RASEF: variants seen among roughly 807,000 people sequenced by gnomAD.
RASEF encodes ras and EF-hand domain-containing protein.
Under a neutral mutation model 90.1 loss-of-function variants are expected in RASEF, and 68 were observed. That is an observed-to-expected ratio of 0.75 (90% CI 0.62 to 0.92). The LOEUF is 0.92. RASEF is among the 40% of genes least tolerant of loss of function. The pLI is 0.00. For missense variants in RASEF, 949 were observed against 937.2 expected (o/e 1.01, Z -0.16); for synonymous variants, 331 against 345.2 (o/e 0.96, Z 0.46).
At chr9:83,133,263 A>G in the RASEF span, among the ~76,000 whole-genome samples, 1 of 152,166 alleles carries the variant, frequency 6.6e-6, no homozygotes. Context: ...AACTCCTGGA[A>G]GACCAAGGAA....
In RASEF at chr9:83,006,353, T is replaced by C. The variant is rs80074207; in HGVS notation, c.1029-853A>G. Among the ~76,000 whole-genome samples the C allele has an allele frequency of 4.7e-3, 712 of 152,306 alleles. 22 individuals are homozygous for C. The East Asian group carries it at 0.059, about 13-fold the overall frequency. ...AGGGGAAAGAGATTTTTCACCCACT[T>C]CCCACTCTATCCTTTGCTCCTGGCA... On this transcript the variant is annotated intron_variant, in intron 7 of 16. Transcript: ENST00000376447.
chr9:83,008,487 T>C (rs1486331047), intron 6 of RASEF, among the ~76,000 whole-genome samples: 2 of 152,090 alleles, frequency 1.3e-5, no homozygotes, highest in African/African-American at 2.4e-5. Flanking sequence ...ACCTGGAACA[T>C]CTCTGAGACT....
At chr9:82,986,189 T>C (rs550523387) in intron 16 of RASEF, among the ~76,000 whole-genome samples, 7 of 152,322 alleles carry the variant, frequency 4.6e-5, no homozygotes, top group Admixed American at 3.3e-4. Context: ...AGTCCTCACA[T>C]TGCCACTTAC....
intron 14 of RASEF, among the ~76,000 whole-genome samples, chr9:82,996,505 G>A (rs966991216): frequency 4.6e-5 from 7 of 152,146 alleles, no homozygotes; most frequent in Non-Finnish European, 2.9e-5. Context: ...TGGTATTTCG[G>A]TAGTACCTTG....
the RASEF span, among the ~76,000 whole-genome samples, chr9:83,140,022 A>T: frequency 6.6e-6 from 1 of 152,168 alleles, no homozygotes; most frequent in Non-Finnish European, 1.5e-5. Flanking sequence ...ACTGTAATGT[A>T]GATGGACTAT....
At chr9:83,061,564 C>T (rs553728527) in intron 1 of RASEF, among the ~76,000 whole-genome samples, 7 of 152,120 alleles carry the variant, frequency 4.6e-5, no homozygotes, top group Non-Finnish European at 8.8e-5. Flanking sequence ...TGGAGACACC[C>T]ACCACACCAA....
At chr9:83,163,112 C>T in the RASEF span, among the ~76,000 whole-genome samples, 2 of 152,182 alleles carry the variant, frequency 1.3e-5, no homozygotes, top group Admixed American at 6.5e-5. Context: ...AAATACCCAA[C>T]TCCAGCCCAC....
the RASEF span, among the ~76,000 whole-genome samples, chr9:83,156,135 C>A: frequency 6.6e-6 from 1 of 152,136 alleles, no homozygotes; most frequent in Non-Finnish European, 1.5e-5. Flanking sequence ...AAAAATTATT[C>A]TAAAAAATTT....
At chr9:83,205,518 T>C in the RASEF span, among the ~76,000 whole-genome samples, 3 of 152,182 alleles carry the variant, frequency 2.0e-5, no homozygotes, top group African/African-American at 7.2e-5. Context: ...GTTGAACTCC[T>C]AGCCATCCTT....
At chr9:83,001,529 A>G (rs1829041230) in intron 9 of RASEF, among the ~76,000 whole-genome samples, 1 of 152,174 alleles carries the variant, frequency 6.6e-6, no homozygotes, top group African/African-American at 2.4e-5. Context: ...CCATTTCTGG[A>G]TAACATCTCT....
rs147644951 is a variant in RASEF at position 83,017,969 on chromosome 9, T to C, written c.670-2069A>G. On this transcript the variant is annotated intron_variant, in intron 3 of 16. Coordinates refer to ENST00000376447, the MANE Select transcript of RASEF (RefSeq NM_152573.4). ...CATGATCATGAGACAGAAAAAGTAT[T>C]TGAGAAAATCCAACATCCATTCCTG... Among the ~76,000 whole-genome samples, 10 of 152,248 alleles carry C rather than the reference T, an allele frequency of 6.6e-5. No homozygotes were observed. In the East Asian group the frequency reaches 1.7e-3, roughly 26 times the overall value.
intron 16 of RASEF, among the ~76,000 whole-genome samples, chr9:82,988,704 C>A (rs1209014629): frequency 6.6e-6 from 1 of 152,114 alleles, no homozygotes; most frequent in East Asian, 1.9e-4. Flanking sequence ...ATGTGACACG[C>A]TGGCTCCCCG....
chr9:83,170,238 A>G, the RASEF span, among the ~76,000 whole-genome samples: 1 of 151,936 alleles, frequency 6.6e-6, no homozygotes, highest in Non-Finnish European at 1.5e-5. Context: ...TTGGCTATAC[A>G]TGTAAGGATT....
intron 13 of RASEF, 115 bp from the exon 14 acceptor site, chr9:82,997,241 T>C: frequency 1.5e-6 from 1 of 681,844 alleles, no homozygotes; most frequent in East Asian, 2.7e-5. Context: ...AGACTCTAAC[T>C]GCAATATATG....
At chr9:83,147,819 G>A in the RASEF span, among the ~76,000 whole-genome samples, 3 of 152,068 alleles carry the variant, frequency 2.0e-5, no homozygotes, top group Non-Finnish European at 4.4e-5. Context: ...GATGGAGGGG[G>A]AGCTGGAAAG....
At chr9:83,128,217 C>T in the RASEF span, among the ~76,000 whole-genome samples, 1 of 151,766 alleles carries the variant, frequency 6.6e-6, no homozygotes, top group African/African-American at 2.4e-5. Flanking sequence ...TTCCTTGAAC[C>T]ACATAGTGAC....
the RASEF span, among the ~76,000 whole-genome samples, chr9:83,106,746 T>C: frequency 0.023 from 3,370 of 148,306 alleles, 125 homozygotes; most frequent in African/African-American, 0.081. Flanking sequence ...TATAAACCAT[T>C]TTATTAAATA....
chr9:83,169,612 T>C, the RASEF span, among the ~76,000 whole-genome samples: 2 of 151,508 alleles, frequency 1.3e-5, no homozygotes, highest in African/African-American at 2.4e-5. Flanking sequence ...TTTTGTTTTG[T>C]TTTTGGCTTT....
the RASEF span, among the ~76,000 whole-genome samples, chr9:83,085,783 G>A: frequency 3.9e-5 from 6 of 151,964 alleles, no homozygotes; most frequent in Admixed American, 3.3e-4. Flanking sequence ...ATATTAGCGA[G>A]GCGTGGTGGC....
Sources: allele counts gnomAD v4.1 joint callset (sites outside exome capture counted in the v4.1 genomes callset), GRCh38; gene constraint gnomAD v4.1.1; transcripts MANE v1.5; gene names NCBI Gene and HGNC (gene_info 2026-07-23, HGNC 2026-07-21).